The following CDC42SE2 variants were observed in gnomAD, a reference collection of about 807,000 sequenced individuals.
CDC42SE2 encodes the protein CDC42 small effector 2.
In CDC42SE2, 3 loss-of-function variants were observed where a neutral mutation model predicts 11.5. The ratio of observed to expected loss-of-function variants is 0.26; its 90% CI spans 0.12 to 0.67. The LOEUF (loss-of-function observed/expected upper bound fraction) is 0.67, where lower values mean the gene tolerates loss of function less well. Among genes scored for constraint, CDC42SE2 ranks in the 30% least tolerant of loss-of-function variants. The probability of loss-of-function intolerance (pLI) is 0.80; values close to 1 mark genes in which losing one functional copy is unlikely to be tolerated. For missense variants in CDC42SE2, 82 were observed against 106.8 expected, an observed-to-expected ratio of 0.77 and a Z score of 1.02; for synonymous variants, 33 against 34.8, an observed-to-expected ratio of 0.95 and a Z score of 0.18.
intron 1 of CDC42SE2, among the ~76,000 whole-genome samples, chr5:131,252,059 T>TGGAGGGAAGGAA (rs1554093499): frequency 8.5e-6 from 1 of 118,002 alleles, no homozygotes; most frequent in Admixed American, 9.2e-5. Context: ...AGAGAATGAG[T>TGGAGGGAAGGAA]GGAAGGAAGG....
chr5:131,311,323 G>C (rs1757907129), intron 1 of CDC42SE2, among the ~76,000 whole-genome samples: 1 of 152,004 alleles, frequency 6.6e-6, no homozygotes, highest in South Asian at 2.1e-4. Context: ...CTGTTAGTCT[G>C]ATGGGCTTCC....
Position 131,393,785 on chromosome 5 carries a change from G to GACTC in CDC42SE2, c.*2696_*2699dup, listed in dbSNP as rs1156374926. The GACTC allele has an allele frequency of 6.7e-6, 1 of 149,120 alleles. No individual in the cohort carries two copies. The highest frequency in any genetic ancestry group is 1.5e-5 in the Non-Finnish European group (1 of 67,426). The allele number at this position is 149,120 out of a possible 1,614,324, so 9.2% of individuals were successfully genotyped here. A position where few individuals can be genotyped will look rare whatever the true frequency, so the allele number is the denominator to read the frequency against. ...ACGGGAAGCCGTGATCCTTTTCCCT[G>GACTC]ACTCATGATTTTAGTCTTTTTCCAA... On this transcript the variant is annotated 3_prime_UTR_variant, in exon 5 of 5. Transcript: ENST00000505065.
intron 1 of CDC42SE2, chr5:131,245,730 T>A (rs1043809507): frequency 6.6e-6 from 1 of 152,240 alleles, no homozygotes; most frequent in African/African-American, 2.4e-5. Context: ...TGAAGTTACT[T>A]GAGCCTTTAC....
chr5:131,343,919 C>G (rs565083533), intron 2 of CDC42SE2, among the ~76,000 whole-genome samples: 1 of 152,242 alleles, frequency 6.6e-6, no homozygotes, highest in South Asian at 2.1e-4. Context: ...ATTGCACACT[C>G]TTTCATGTTT....
chr5:131,349,043 G>C (rs1275414154), intron 2 of CDC42SE2, among the ~76,000 whole-genome samples: 1 of 152,062 alleles, frequency 6.6e-6, no homozygotes, highest in Non-Finnish European at 1.5e-5. Context: ...AACCCTAGAA[G>C]AAAACCTAGG....
chr5:131,234,465 G>A, the CDC42SE2 span, among the ~76,000 whole-genome samples: 6 of 152,098 alleles, frequency 3.9e-5, no homozygotes, highest in African/African-American at 1.4e-4. Context: ...GTGAAACCCT[G>A]TCTGTATTAA....
At chr5:131,216,870 C>T in the CDC42SE2 span, among the ~76,000 whole-genome samples, 3 of 152,158 alleles carry the variant, frequency 2.0e-5, no homozygotes, top group Admixed American at 6.5e-5. Context: ...TCTCACCACA[C>T]GACTACCTGA....
At chr5:131,309,731 C>T (rs1225877480) in intron 1 of CDC42SE2, among the ~76,000 whole-genome samples, 53 of 151,788 alleles carry the variant, frequency 3.5e-4, no homozygotes, top group South Asian at 8.4e-4. Context: ...AGTTTATTTG[C>T]GTAGAGGTGT....
chr5:131,307,593 G>A (rs910701411), intron 1 of CDC42SE2, among the ~76,000 whole-genome samples: 65 of 152,164 alleles, frequency 4.3e-4, no homozygotes, highest in African/African-American at 1.4e-3. Flanking sequence ...GTAATGGGAC[G>A]GCTGGGTCAA....
chr5:131,239,159 CA>C, the CDC42SE2 span, among the ~76,000 whole-genome samples: 4,820 of 134,116 alleles, frequency 0.036, 263 homozygotes, highest in African/African-American at 0.12. Context: ...GACTCTGTCT[CA>C]AAAAAAAATA....
At chr5:131,359,690 C>T (rs1749652540) in intron 3 of CDC42SE2, 143 bp downstream of exon 3, 2 of 699,482 alleles carry the variant, frequency 2.9e-6, no homozygotes, top group Admixed American at 4.4e-5. Flanking sequence ...GAACTCCGAA[C>T]ATATGTTTAA....
At chr5:131,312,797 G>A (rs1272206411) in intron 1 of CDC42SE2, among the ~76,000 whole-genome samples, 2 of 152,082 alleles carry the variant, frequency 1.3e-5, no homozygotes, top group African/African-American at 4.8e-5. Context: ...CCCTACTTTG[G>A]CTTGCAAACG....
chr5:131,340,909 T>G (rs1204434287), intron 2 of CDC42SE2, among the ~76,000 whole-genome samples: 1 of 152,070 alleles, frequency 6.6e-6, no homozygotes, highest in Non-Finnish European at 1.5e-5. Flanking sequence ...ACTCCTGATC[T>G]CAAGTGATCT....
chr5:131,312,192 A>T (rs1054874427), intron 1 of CDC42SE2, among the ~76,000 whole-genome samples: 1 of 149,140 alleles, frequency 6.7e-6, no homozygotes, highest in African/African-American at 2.5e-5. Context: ...GGTCTGTTGG[A>T]GTACCTTGCT....
intron 2 of CDC42SE2, among the ~76,000 whole-genome samples, chr5:131,336,742 CT>C (rs1312900265): frequency 6.6e-6 from 1 of 152,162 alleles, no homozygotes; most frequent in Non-Finnish European, 1.5e-5. Flanking sequence ...CACTGATACC[CT>C]TTCTTCCAGT....
At chr5:131,220,395 A>T in the CDC42SE2 span, among the ~76,000 whole-genome samples, 1 of 151,892 alleles carries the variant, frequency 6.6e-6, no homozygotes, top group Non-Finnish European at 1.5e-5. Context: ...TTAGTAGAGA[A>T]GGGGTTTCAC....
chr5:131,240,700 T>C (rs1371665095), upstream of CDC42SE2, among the ~76,000 whole-genome samples: 1 of 152,226 alleles, frequency 6.6e-6, no homozygotes, highest in African/African-American at 2.4e-5. Context: ...TAAAAATATA[T>C]GTTATATTCC....
At chr5:131,248,135 TTA>T (rs1228451282) in intron 1 of CDC42SE2, among the ~76,000 whole-genome samples, 1 of 151,356 alleles carries the variant, frequency 6.6e-6, no homozygotes, top group African/African-American at 2.5e-5. Context: ...TTCCTTTTTT[TTA>T]TTTTTTTATT....
At chr5:131,247,404 GT>G (rs1756604270) in intron 1 of CDC42SE2, among the ~76,000 whole-genome samples, 1 of 152,088 alleles carries the variant, frequency 6.6e-6, no homozygotes, top group African/African-American at 2.4e-5. Flanking sequence ...GGATCACGAG[GT>G]CAGGAGTTCA....
Sources: gnomAD v4.1 joint callset for allele counts (sites outside exome capture counted in the v4.1 genomes callset) on GRCh38, gnomAD v4.1.1 for gene constraint, MANE v1.5 for transcripts, NCBI Gene and HGNC (gene_info 2026-07-23, HGNC 2026-07-21) for gene names.